DENND4C: variants seen among roughly 807,000 people sequenced by gnomAD.
The protein encoded by DENND4C is DENN domain containing 4C, also known as DENN domain-containing protein 4C.
DENND4C carries 108 observed loss-of-function variants against 203.0 expected under a neutral mutation model. The observed-to-expected ratio is 0.53, with a 90% CI of 0.46 to 0.62. DENND4C has a LOEUF of 0.62. DENND4C is among the 20% of genes least tolerant of loss of function. DENND4C has a pLI of 0.00. For synonymous variants in DENND4C, 871 were observed against 792.4 expected (o/e 1.10, Z -1.67); for missense variants, 2,481 against 2,301.2 (o/e 1.08, Z -1.60).
Position 19,298,860 on chromosome 9 carries a change from A to G in DENND4C, c.1108-369A>G, listed in dbSNP as rs568774155. On this transcript the variant is annotated intron_variant, in intron 7 of 32. Coordinates refer to ENST00000434457, the MANE Select transcript of DENND4C (RefSeq NM_001330640.2). ...TATTGTTGATCTTGAATGTTATTTC[A>G]GTTCCACAAGTATTTACGTGCCAAG... is the stretch of plus-strand genomic sequence containing the variant. Among the ~76,000 whole-genome samples the G allele has an allele frequency of 3.3e-5, 5 of 152,286 alleles. No individual in the cohort carries two copies. The East Asian group carries it at 9.6e-4, about 29-fold the overall frequency.
chr9:19,322,158 A>C (rs1842987682), intron 12 of DENND4C, among the ~76,000 whole-genome samples: 1 of 152,144 alleles, frequency 6.6e-6, no homozygotes. Context: ...TGTGAAGAGG[A>C]AAATTAAATT....
At chr9:19,278,214 C>T (rs904306397) in intron 2 of DENND4C, among the ~76,000 whole-genome samples, 3 of 152,010 alleles carry the variant, frequency 2.0e-5, no homozygotes, top group African/African-American at 7.3e-5. Context: ...TGGCTCACTG[C>T]AACCTCCGCC....
chr9:19,353,333 T>TA (rs894043340), intron 26 of DENND4C, among the ~76,000 whole-genome samples: 5 of 151,710 alleles, frequency 3.3e-5, no homozygotes, highest in Non-Finnish European at 7.4e-5. Flanking sequence ...TTAGCTGCTT[T>TA]AAAAAAAATA....
At chr9:19,316,909 A>C in intron 12 of DENND4C, 70 bp downstream of exon 12, 1 of 1,305,978 alleles carries the variant, frequency 7.7e-7, no homozygotes, top group South Asian at 1.5e-5. Flanking sequence ...GTTGCTGCCA[A>C]GAAATACTTA....
chr9:19,365,991 G>C (rs1036325033), intron 30 of DENND4C, among the ~76,000 whole-genome samples: 1 of 152,166 alleles, frequency 6.6e-6, no homozygotes, highest in Non-Finnish European at 1.5e-5. Context: ...GATGGAAGTA[G>C]TCCTAAATTG....
chr9:19,292,270 T>A (rs1306330941), intron 5 of DENND4C: 1 of 151,950 alleles, frequency 6.6e-6, no homozygotes, highest in Non-Finnish European at 1.5e-5. Flanking sequence ...CCTAAAGTGA[T>A]CCACCTGCCT....
chr9:19,257,866 A>C (rs1458218297), intron 1 of DENND4C, among the ~76,000 whole-genome samples: 2 of 152,226 alleles, frequency 1.3e-5, no homozygotes, highest in Non-Finnish European at 2.9e-5. Context: ...AAGGTGGCTC[A>C]TTCCTGTAAT....
intron 20 of DENND4C, among the ~76,000 whole-genome samples, chr9:19,338,291 G>A (rs953978506): frequency 2.0e-5 from 3 of 151,930 alleles, no homozygotes; most frequent in Non-Finnish European, 2.9e-5. Flanking sequence ...TTTTTTGTAT[G>A]AAAACGTTTA....
At chr9:19,334,629 G>A (rs1820024877) in intron 17 of DENND4C, among the ~76,000 whole-genome samples, 2 of 150,680 alleles carry the variant, frequency 1.3e-5, no homozygotes, top group Admixed American at 6.6e-5. Flanking sequence ...GGCTTCAAGC[G>A]ATTCTCGTGC....
chr9:19,257,132 G>A (rs954321318), intron 1 of DENND4C, among the ~76,000 whole-genome samples: 32 of 150,896 alleles, frequency 2.1e-4, no homozygotes, highest in Non-Finnish European at 5.9e-5. Context: ...GTGAAGAAAA[G>A]GAAAAAAAGG....
chr9:19,357,109 A>C lies in DENND4C; in HGVS notation c.4919A>C (p.His1640Pro). The change falls in exon 27 of 33, where the codon CAT becomes CCT. Residue 1640 changes from histidine (H) to proline (P), a missense_variant. Physicochemically the swap from His to Pro is moderately conservative, Grantham distance 77. Around this residue, in one of 3 missense-constraint regions of DENND4C, gnomAD observed 2,289 missense variants for 2,113.3 expected, o/e 1.08. Coordinates refer to ENST00000434457, the MANE Select transcript of DENND4C (RefSeq NM_001330640.2). ...DLINFMDFPK[H>P]NQIITEETGS... ...ATCAACTTTATGGACTTCCCAAAAC[A>C]TAACCAGATCATAACTGAAGAAACA... is the stretch of plus-strand genomic sequence containing the variant. 3.1e-6 allele frequency: 5 copies of C among 1,613,938 alleles called. No homozygotes were observed. The highest frequency in any genetic ancestry group is 1.3e-5 in the African/African-American group (1 of 75,038).
rs987362849 is a variant in DENND4C, at chr9:19,335,512, C to G, written c.2589+407C>G. 1.4e-4 allele frequency among the ~76,000 whole-genome samples: 22 copies of G among 152,250 alleles called. 2 individuals carry two copies. The highest frequency in any genetic ancestry group is 4.6e-4 in the Admixed American group (7 of 15,296). On this transcript the variant is annotated intron_variant, in intron 18 of 32. Coordinates refer to ENST00000434457, the MANE Select transcript of DENND4C (RefSeq NM_001330640.2). ...CAACATCTTCCAGTGTCCCCTTTCC[C>G]CTTACCTCCCAAAGCCCCTGGTAAC...
At chr9:19,320,683 T>G (rs574787836) in intron 12 of DENND4C, among the ~76,000 whole-genome samples, 1 of 152,364 alleles carries the variant, frequency 6.6e-6, no homozygotes, top group South Asian at 2.1e-4. Context: ...TGGTGCTCAC[T>G]TCTTCCTATT....
intron 10 of DENND4C, among the ~76,000 whole-genome samples, chr9:19,316,107 A>G (rs961340107): frequency 6.6e-6 from 1 of 152,188 alleles, no homozygotes; most frequent in Non-Finnish European, 1.5e-5. Flanking sequence ...TCTCATGTCA[A>G]CTAGGTTTGA....
chr9:19,361,714 T>G (rs1383312650), intron 29 of DENND4C, 132 bp from the exon 30 acceptor site: 3 of 522,788 alleles, frequency 5.7e-6, no homozygotes, highest in Non-Finnish European at 1.0e-5. Context: ...TTAATAAAAA[T>G]TAAAATTTTG....
chr9:19,247,767 T>G (rs930336282), intron 1 of DENND4C, among the ~76,000 whole-genome samples: 1 of 152,250 alleles, frequency 6.6e-6, no homozygotes, highest in Admixed American at 6.5e-5. Context: ...AAAGAATTAT[T>G]GGTTTATTTC....
At chr9:19,325,899 G>A (rs1327052105) in intron 13 of DENND4C, 40 bp from the exon 14 acceptor site, 1 of 1,562,518 alleles carries the variant, frequency 6.4e-7, no homozygotes, top group Non-Finnish European at 8.7e-7. Context: ...TAAATTCATA[G>A]TGGACATTTT....
intron 10 of DENND4C, among the ~76,000 whole-genome samples, chr9:19,314,507 C>T (rs757847090): frequency 6.6e-6 from 1 of 152,052 alleles, no homozygotes; most frequent in Non-Finnish European, 1.5e-5. Context: ...TCAGAAATCA[C>T]CACTAAAGAA....
intron 10 of DENND4C, among the ~76,000 whole-genome samples, chr9:19,307,393 CAAAAAAAA>C (rs753710246): frequency 1.7e-5 from 1 of 58,424 alleles, no homozygotes; most frequent in Admixed American, 2.1e-4. Flanking sequence ...GACTCTGTCT[CAAAAAAAA>C]AAAAAAAAAA....
Sources: allele counts gnomAD v4.1 joint callset (sites outside exome capture counted in the v4.1 genomes callset), GRCh38; gene constraint gnomAD v4.1.1; regional missense constraint gnomAD v4.1.1; transcripts MANE v1.5; gene names NCBI Gene and HGNC (gene_info 2026-07-23, HGNC 2026-07-21).